Variants in ZNF423 observed in about 807,000 individuals in gnomAD.
ZNF423 encodes zinc finger protein 423, also known as Ebf-associated zinc finger protein.
ZNF423 carries 12 observed loss-of-function variants against 95.8 expected under a neutral mutation model. That is an observed-to-expected ratio of 0.13 (90% confidence interval 0.08 to 0.20). The LOEUF (loss-of-function observed/expected upper bound fraction) is 0.20, where lower values mean the gene tolerates loss of function less well. Among genes scored for constraint, ZNF423 ranks in the 10% least tolerant of loss-of-function variants. The pLI, the probability that ZNF423 is intolerant of heterozygous loss-of-function variation, is 1.00. For synonymous variants in ZNF423, 749 were observed against 711.9 expected (o/e 1.05, Z -0.83); for missense variants, 1,316 against 1,737.1 (o/e 0.76, Z 4.31).
At position 49,638,652 on chromosome 16, in the gene ZNF423, T is replaced by C. The variant is rs1447013402; in HGVS notation, c.524A>G (p.Lys175Arg). 1.2e-6 allele frequency: 2 copies of C among 1,614,060 alleles called. No individual in the cohort carries two copies. The highest frequency in any genetic ancestry group is 1.7e-6 in the Non-Finnish European group (2 of 1,180,028). The change falls in exon 4 of 8, where the codon AAG becomes AGG. Residue 175 changes from lysine to arginine, a missense_variant. Coordinates refer to ENST00000563137, the MANE Select transcript of ZNF423 (RefSeq NM_001379286.1). This position sits in a 1 kb window ranked among gnomAD's most constrained non-coding sequence, Gnocchi z 5.6. ...EQIHSDKLPF[K>R]CTYCSRLFKH... ...GAAGAGGCGGCTGCAGTAGGTGCAC[T>C]TGAACGGCAGCTTGTCGCTGTGGAT...
intron 5 of ZNF423, among the ~76,000 whole-genome samples, chr16:49,606,453 A>C (rs1971539733): frequency 6.6e-6 from 1 of 152,202 alleles, no homozygotes. Context: ...GATATGCAGA[A>C]TGTTTCAACA....
chr16:49,600,000 CA>C (rs1449335677), intron 5 of ZNF423, among the ~76,000 whole-genome samples: 2 of 152,166 alleles, frequency 1.3e-5, no homozygotes, highest in Non-Finnish European at 2.9e-5. Context: ...CTGAGCCCTT[CA>C]CTGTATGTAA....
intron 3 of ZNF423, among the ~76,000 whole-genome samples, chr16:49,729,058 A>T (rs537434032): frequency 3.8e-4 from 58 of 152,292 alleles, no homozygotes; most frequent in African/African-American, 1.3e-3. Context: ...TAAAAGTGAG[A>T]CTGAAAGACA....
intron 5 of ZNF423, among the ~76,000 whole-genome samples, chr16:49,599,235 T>C (rs974975766): frequency 1.2e-4 from 19 of 152,172 alleles, no homozygotes; most frequent in African/African-American, 4.6e-4. Context: ...ATGGCAAATT[T>C]CCATGTTCCA....
intron 2 of ZNF423, among the ~76,000 whole-genome samples, chr16:49,773,393 C>T (rs111822161): frequency 0.028 from 4,324 of 152,168 alleles, 199 homozygotes; most frequent in African/African-American, 0.099. Flanking sequence ...ACGAGAACAG[C>T]ACGGGGGAGA....
At chr16:49,723,606 G>A (rs2032928003) in intron 3 of ZNF423, among the ~76,000 whole-genome samples, 1 of 152,048 alleles carries the variant, frequency 6.6e-6, no homozygotes, top group Non-Finnish European at 1.5e-5. Context: ...CTGACACTGG[G>A]GTTATATTTA....
rs2034960439 is a variant in ZNF423, at chr16:49,822,753, A to T, written c.40+32982T>A. The T allele has an allele frequency of 5.6e-6, 9 of 1,594,654 alleles. No individual in the cohort carries two copies. In the South Asian group the frequency reaches 9.1e-5, roughly 16 times the overall value. On this transcript the variant is annotated intron_variant, in intron 1 of 7. Coordinates refer to ENST00000563137, the MANE Select transcript of ZNF423 (RefSeq NM_001379286.1). ...AGGAAGTTTTCCTGGGGGAATAAATACAAAATTTCTTATTGCAGGCTAGTA... is the reference window on the plus strand; with the variant it reads ...AGGAAGTTTTCCTGGGGGAATAAATTCAAAATTTCTTATTGCAGGCTAGTA...
intron 3 of ZNF423, among the ~76,000 whole-genome samples, chr16:49,663,929 C>T (rs2151917408): frequency 6.6e-6 from 1 of 152,332 alleles, no homozygotes; most frequent in East Asian, 1.9e-4. Flanking sequence ...ACGTTTCCTT[C>T]CTTCTGGATT....
intron 5 of ZNF423, among the ~76,000 whole-genome samples, chr16:49,562,912 G>A (rs1397204274): frequency 5.9e-5 from 9 of 152,000 alleles, no homozygotes; most frequent in Non-Finnish European, 1.3e-4. Flanking sequence ...CCGAGTAGTT[G>A]GGACTACAGG....
intron 7 of ZNF423, among the ~76,000 whole-genome samples, chr16:49,507,033 T>TG (rs148202628): frequency 0.011 from 1,744 of 152,208 alleles, 23 homozygotes; most frequent in Admixed American, 0.016. Context: ...GAGAAGACAA[T>TG]GGGCTTTGGA....
intron 4 of ZNF423, among the ~76,000 whole-genome samples, chr16:49,634,394 C>T (rs1167209205): frequency 2.0e-5 from 3 of 152,138 alleles, no homozygotes; most frequent in African/African-American, 2.4e-5. Context: ...AAGATATCCA[C>T]GGACGGGTCC....
At chr16:49,586,073 C>A (rs1282797123) in intron 5 of ZNF423, among the ~76,000 whole-genome samples, 1 of 152,126 alleles carries the variant, frequency 6.6e-6, no homozygotes. Context: ...TAACCTGGCA[C>A]AACACAACCA....
intron 3 of ZNF423, among the ~76,000 whole-genome samples, chr16:49,670,831 G>A (rs550040971): frequency 2.8e-4 from 42 of 152,310 alleles, no homozygotes; most frequent in Admixed American, 1.6e-3. Flanking sequence ...TGACAACGCC[G>A]GCTTGAGGCG....
chr16:49,702,373 C>T (rs1050027798), intron 3 of ZNF423, among the ~76,000 whole-genome samples: 6 of 152,226 alleles, frequency 3.9e-5, no homozygotes, highest in African/African-American at 9.6e-5. Flanking sequence ...ACCCCTCTGC[C>T]GAGGAGCCAC....
chr16:49,487,959 C>CTATG lies in ZNF423; in HGVS notation c.*3312_*3315dup, dbSNP rs1966871336. On this transcript the variant is annotated 3_prime_UTR_variant, in exon 8 of 8. Coordinates refer to ENST00000563137, the MANE Select transcript of ZNF423 (RefSeq NM_001379286.1). ...TCACGGCACTCATGACCAGGTGTGG[C>CTATG]TATGCATTTACTGGCATGCTTGCCT... The CTATG allele has an allele frequency of 6.6e-6, 1 of 152,254 alleles. No individual in the cohort carries two copies. The highest frequency in any genetic ancestry group is 6.5e-5 in the Admixed American group (1 of 15,290). 9.4% of individuals were successfully genotyped at this position (152,254 alleles called of 1,614,324 possible). A position where few individuals can be genotyped will look rare whatever the true frequency, so the allele number is the denominator to read the frequency against.
At chr16:49,817,248 G>A (rs931776509) in intron 1 of ZNF423, among the ~76,000 whole-genome samples, 8 of 152,192 alleles carry the variant, frequency 5.3e-5, no homozygotes, top group African/African-American at 1.7e-4. Context: ...GGAGAGCAGG[G>A]GGAGGCAGGG....
In ZNF423 at chr16:49,546,147, C is replaced by T. The variant is rs528054279; in HGVS notation, c.3602-20653G>A. Among the ~76,000 whole-genome samples the T allele has an allele frequency of 5.3e-5, 8 of 152,280 alleles. No individual in the cohort carries two copies. In the East Asian group the frequency reaches 1.2e-3, roughly 22 times the overall value. On this transcript the variant is annotated intron_variant, in intron 5 of 7. Transcript: ENST00000563137. ...GATTTTTATACCCACAAATGCAAGA[C>T]ATCTTTTCACTAAGGTTTTTTTTAA...
chr16:49,730,836 T>C lies in ZNF423; in HGVS notation c.236A>G (p.His79Arg). The C allele has an allele frequency of 6.2e-7, 1 of 1,614,192 alleles. No homozygotes were observed. Among genetic ancestry groups the C allele is most frequent in the African/African-American group, 1.3e-5 (1 of 75,050 alleles). ...MEDESIYTCD[H>R]CQQDFESLAD... ...CAGAGACTCGAAGTCCTGCTGACAG[T>C]GATCGCAGGTGTAAATTGATTCATC... The change falls in exon 3 of 8, where the codon CAC becomes CGC. Residue 79 changes from histidine to arginine, a missense_variant. By Grantham distance (29) the His-to-Arg change is conservative. This residue lies in a region of ZNF423 where 155 missense variants were observed against 170.8 expected (regional missense o/e 0.91). Transcript: ENST00000563137.
chr16:49,716,586 G>A (rs894645322), intron 3 of ZNF423, among the ~76,000 whole-genome samples: 1 of 152,176 alleles, frequency 6.6e-6, no homozygotes, highest in Non-Finnish European at 1.5e-5. Flanking sequence ...CTCTGAGTTG[G>A]CACAGAGTGT....
Sources: gnomAD v4.1 joint callset for allele counts (sites outside exome capture counted in the v4.1 genomes callset) on GRCh38, gnomAD v4.1.1 for gene constraint, gnomAD v4.1.1 regional missense constraint, Gnocchi (gnomAD v3.1) non-coding constraint, MANE v1.5 for transcripts, NCBI Gene and HGNC (gene_info 2026-07-23, HGNC 2026-07-21) for gene names.